ARAP2: variants seen among roughly 807,000 people sequenced by gnomAD.
The protein encoded by ARAP2 is ArfGAP with RhoGAP domain, ankyrin repeat and PH domain 2.
Under a neutral mutation model 194.5 loss-of-function variants are expected in ARAP2, and 148 were observed. That is an observed-to-expected ratio of 0.76 (90% CI 0.67 to 0.87). The LOEUF is 0.87. Ranked by LOEUF, ARAP2 falls within the 40% of genes least tolerant of loss-of-function variation. The pLI, the probability that ARAP2 is intolerant of heterozygous loss-of-function variation, is 0.00. For synonymous variants in ARAP2, 695 were observed against 683.5 expected (o/e 1.02, Z -0.26); for missense variants, 2,128 against 1,989.7 (o/e 1.07, Z -1.32).
chr4:36,070,136 T>C (rs937622716), intron 32 of ARAP2, among the ~76,000 whole-genome samples: 2 of 152,170 alleles, frequency 1.3e-5, no homozygotes, highest in African/African-American at 4.8e-5. Flanking sequence ...AATGAGGGAA[T>C]AGACTAATAC....
At chr4:36,068,838 G>A (rs1726137974) in intron 32 of ARAP2, among the ~76,000 whole-genome samples, 1 of 152,214 alleles carries the variant, frequency 6.6e-6, no homozygotes, top group Non-Finnish European at 1.5e-5. Flanking sequence ...CTTATGGTGA[G>A]TTTATTGGTA....
At chr4:36,126,434 A>C (rs1245019818) in intron 21 of ARAP2, among the ~76,000 whole-genome samples, 5 of 152,046 alleles carry the variant, frequency 3.3e-5, no homozygotes, top group Admixed American at 2.6e-4. Context: ...TACAATGAGC[A>C]ATTCAACGAA....
chr4:36,194,545 A>C lies in ARAP2; in HGVS notation c.1488-898T>G, dbSNP rs181096217. 3.2e-3 allele frequency among the ~76,000 whole-genome samples: 492 copies of C among 152,332 alleles called. 2 individuals are homozygous for C. Among genetic ancestry groups the C allele is most frequent in the Middle Eastern group, 0.014 (4 of 294 alleles). ...ATTTTCTGAAATGTTTAAAACAAGG[A>C]GTTGGCATAACTTTTCTTGGCTCTC... On this transcript the variant is annotated intron_variant, in intron 6 of 32. Coordinates refer to ENST00000303965, the MANE Select transcript of ARAP2 (RefSeq NM_015230.4).
chr4:36,017,978 T>C (rs1255549443), intron 6 of ARAP2, among the ~76,000 whole-genome samples: 2 of 152,208 alleles, frequency 1.3e-5, no homozygotes, highest in Admixed American at 6.5e-5. Context: ...ATAGTATCTA[T>C]GATAAAGTCC....
intron 25 of ARAP2, among the ~76,000 whole-genome samples, chr4:36,114,741 G>A (rs1309645516): frequency 1.3e-5 from 2 of 151,956 alleles, no homozygotes; most frequent in Admixed American, 1.3e-4. Flanking sequence ...GGTCTTGGTA[G>A]TCTGTGGTGT....
At chr4:36,220,763 G>A (rs528102409) in intron 2 of ARAP2, among the ~76,000 whole-genome samples, 79 of 152,056 alleles carry the variant, frequency 5.2e-4, no homozygotes, top group African/African-American at 1.8e-3. Flanking sequence ...CTTATAGAAC[G>A]AGGATATAAA....
intron 25 of ARAP2, among the ~76,000 whole-genome samples, chr4:36,114,556 T>C (rs1319997570): frequency 3.3e-5 from 5 of 152,042 alleles, no homozygotes; most frequent in Non-Finnish European, 5.9e-5. Context: ...AAGGAAAGAA[T>C]GTACCTAATT....
At chr4:36,231,474 T>C (rs1040351600) in intron 1 of ARAP2, among the ~76,000 whole-genome samples, 14 of 152,224 alleles carry the variant, frequency 9.2e-5, no homozygotes, top group Admixed American at 8.5e-4. Context: ...CTATTTTTAC[T>C]AGCATTATCA....
At chr4:36,064,217 T>G (rs1033614484), downstream of ARAP2, among the ~76,000 whole-genome samples, 2 of 151,912 alleles carry the variant, frequency 1.3e-5, no homozygotes, top group African/African-American at 4.8e-5. Context: ...TTTTTTTTTT[T>G]TTTTCCTGTG....
At chr4:36,161,366 C>G in intron 12 of ARAP2, 99 bp downstream of exon 12, 1 of 887,970 alleles carries the variant, frequency 1.1e-6, no homozygotes, top group Non-Finnish European at 1.8e-6. Context: ...CAAACAGCCC[C>G]GAGAAAAATT....
At chr4:36,037,731 T>C (rs1000874836) in intron 5 of ARAP2, among the ~76,000 whole-genome samples, 2 of 152,160 alleles carry the variant, frequency 1.3e-5, no homozygotes, top group Non-Finnish European at 2.9e-5. Flanking sequence ...TTCTGTTCTG[T>C]GCTAATCAAT....
intron 6 of ARAP2, among the ~76,000 whole-genome samples, chr4:36,208,663 C>A (rs987336773): frequency 7.2e-5 from 11 of 152,192 alleles, no homozygotes; most frequent in African/African-American, 2.7e-4. Flanking sequence ...AGGAAAAATT[C>A]TCGATTCTAC....
At chr4:36,015,504 C>T (rs780171234) in exon 8 of ARAP2, 3 of 152,182 alleles carry the variant, frequency 2.0e-5, no homozygotes, top group Non-Finnish European at 4.4e-5. Flanking sequence ...TCCAAGGTGA[C>T]CTTATTCAGA....
intron 5 of ARAP2, among the ~76,000 whole-genome samples, chr4:36,021,944 AGATCACTACACCTAGGC>A (rs1717016584): frequency 2.0e-5 from 3 of 152,332 alleles, no homozygotes; most frequent in Admixed American, 6.5e-5. Context: ...TAGATGTTGT[AGATCACTACACCTAGGC>A]TATATAGTAT....
intron 25 of ARAP2, among the ~76,000 whole-genome samples, chr4:36,115,091 T>C (rs910608978): frequency 2.3e-4 from 35 of 152,040 alleles, no homozygotes; most frequent in African/African-American, 8.4e-4. Context: ...CTACTAAAAG[T>C]TCTTTAGAAA....
intron 15 of ARAP2, among the ~76,000 whole-genome samples, chr4:36,156,976 ATTGT>A (rs1732713700): frequency 6.6e-6 from 1 of 152,244 alleles, no homozygotes; most frequent in Admixed American, 6.5e-5. Context: ...TTTAGTTACA[ATTGT>A]TTATTACATC....
chr4:36,126,270 T>C (rs1183998553), intron 21 of ARAP2, among the ~76,000 whole-genome samples: 1 of 152,018 alleles, frequency 6.6e-6, no homozygotes, highest in African/African-American at 2.4e-5. Flanking sequence ...AGAAATTGCA[T>C]TTATTCCTTA....
At chr4:36,235,704 G>C (rs763359318) in intron 1 of ARAP2, among the ~76,000 whole-genome samples, 1 of 152,136 alleles carries the variant, frequency 6.6e-6, no homozygotes, top group Non-Finnish European at 1.5e-5. Context: ...GGTGCACATT[G>C]TTTTAAAATG....
intron 9 of ARAP2, among the ~76,000 whole-genome samples, chr4:36,011,317 A>T (rs1455794635): frequency 6.6e-6 from 1 of 152,190 alleles, no homozygotes; most frequent in Non-Finnish European, 1.5e-5. Context: ...TTAATTCATG[A>T]TGAATTATAC....
Sources: allele counts gnomAD v4.1 joint callset (sites outside exome capture counted in the v4.1 genomes callset), GRCh38; gene constraint gnomAD v4.1.1; transcripts MANE v1.5; gene names NCBI Gene and HGNC (gene_info 2026-07-23, HGNC 2026-07-21).